WWOX: variants seen among roughly 807,000 people sequenced by gnomAD.
The protein encoded by WWOX is WW domain containing oxidoreductase.
A neutral mutation model predicts 46.2 loss-of-function variants in WWOX; 69 were observed. That is an observed-to-expected ratio of 1.49 (90% CI 1.23 to 1.82). The LOEUF (loss-of-function observed/expected upper bound fraction) is 1.82, where lower values mean the gene tolerates loss of function less well. Among genes scored for constraint, WWOX ranks in the 40% most tolerant of loss-of-function variants. The pLI is 0.00. For synonymous variants in WWOX, 359 were observed against 202.6 expected (o/e 1.77, Z -6.56); for missense variants, 919 against 542.6 (o/e 1.69, Z -6.89).
At chr16:79,055,783 G>A (rs931235093) in intron 8 of WWOX, among the ~76,000 whole-genome samples, 3 of 152,122 alleles carry the variant, frequency 2.0e-5, no homozygotes, top group Non-Finnish European at 4.4e-5. Context: ...AGTATATGTA[G>A]CAACCAAACA....
At chr16:78,367,271 A>C (rs984507512) in intron 5 of WWOX, among the ~76,000 whole-genome samples, 1 of 151,956 alleles carries the variant, frequency 6.6e-6, no homozygotes, top group African/African-American at 2.4e-5. Context: ...GAGCCACCGC[A>C]CCCAGCCGAA....
At chr16:78,866,056 T>C (rs1224411954) in intron 8 of WWOX, among the ~76,000 whole-genome samples, 4 of 152,214 alleles carry the variant, frequency 2.6e-5, no homozygotes, top group African/African-American at 7.2e-5. Flanking sequence ...ACTGCATTGC[T>C]CCAAGGTGCA....
chr16:79,101,320 T>C (rs1424540153), intron 8 of WWOX: 1 of 152,200 alleles, frequency 6.6e-6, no homozygotes, highest in East Asian at 1.9e-4. Context: ...ACAACTCTGC[T>C]GGTCTCTCTG....
chr16:78,966,439 C>G (rs546934810), intron 8 of WWOX, among the ~76,000 whole-genome samples: 14 of 152,164 alleles, frequency 9.2e-5, no homozygotes, highest in African/African-American at 3.4e-4. Flanking sequence ...AATACCCTTC[C>G]ACAATATTAT....
intron 8 of WWOX, among the ~76,000 whole-genome samples, chr16:78,492,870 C>T (rs1055604339): frequency 2.6e-5 from 4 of 152,128 alleles, no homozygotes; most frequent in African/African-American, 9.7e-5. Flanking sequence ...CTGGAGACGG[C>T]AAGTACCCAG....
chr16:78,777,315 C>T (rs1359095369), intron 8 of WWOX, among the ~76,000 whole-genome samples: 1 of 152,140 alleles, frequency 6.6e-6, no homozygotes, highest in African/African-American at 2.4e-5. Context: ...GGAGGACTTT[C>T]TGATGATGTT....
At chr16:78,493,980 T>C (rs772150535) in intron 8 of WWOX, among the ~76,000 whole-genome samples, 8 of 152,332 alleles carry the variant, frequency 5.3e-5, no homozygotes, top group Non-Finnish European at 1.0e-4. Context: ...TATAAAGACA[T>C]TCCTGAGACT....
At chr16:78,785,323 C>G (rs1042397452) in intron 8 of WWOX, among the ~76,000 whole-genome samples, 4 of 152,160 alleles carry the variant, frequency 2.6e-5, no homozygotes, top group African/African-American at 4.8e-5. Context: ...TTTGAGCACC[C>G]TGCTCTGAAT....
chr16:79,119,600 G>C (rs912919880), intron 8 of WWOX, among the ~76,000 whole-genome samples: 2 of 152,194 alleles, frequency 1.3e-5, no homozygotes, highest in African/African-American at 4.8e-5. Flanking sequence ...AGGCAACTAA[G>C]GCATGGATTC....
intron 8 of WWOX, among the ~76,000 whole-genome samples, chr16:78,959,750 G>T (rs1361807969): frequency 6.6e-6 from 1 of 152,158 alleles, no homozygotes; most frequent in Admixed American, 6.5e-5. Context: ...ATGACCAAAT[G>T]CCCATATTGA....
At chr16:78,439,972 C>G (rs539606917) in intron 8 of WWOX, among the ~76,000 whole-genome samples, 1 of 152,144 alleles carries the variant, frequency 6.6e-6, no homozygotes, top group African/African-American at 2.4e-5. Context: ...CAGAACTGTC[C>G]TCCTGAGTTG....
At chr16:78,806,821 A>G (rs994791640) in intron 8 of WWOX, among the ~76,000 whole-genome samples, 24 of 152,330 alleles carry the variant, frequency 1.6e-4, no homozygotes, top group African/African-American at 5.8e-4. Context: ...GGGACTGGAC[A>G]TACTGCCATG....
At chr16:79,046,877 C>T (rs748067682) in intron 8 of WWOX, among the ~76,000 whole-genome samples, 5 of 152,192 alleles carry the variant, frequency 3.3e-5, no homozygotes, top group Admixed American at 2.0e-4. Context: ...CTCTTCTTCT[C>T]GTACTTCCCA....
intron 5 of WWOX, among the ~76,000 whole-genome samples, chr16:78,334,810 A>C (rs74029900): frequency 0.043 from 5,723 of 133,454 alleles, 162 homozygotes; most frequent in Middle Eastern, 0.071. Flanking sequence ...ACACACACGC[A>C]CACACACACA....
chr16:78,972,989 C>T (rs111746044), intron 8 of WWOX, among the ~76,000 whole-genome samples: 2 of 152,230 alleles, frequency 1.3e-5, no homozygotes, highest in African/African-American at 4.8e-5. Flanking sequence ...TCATAAGATC[C>T]CTTCCTCCGA....
chr16:79,195,217 G>A (rs780559088), intron 8 of WWOX, among the ~76,000 whole-genome samples: 7 of 152,106 alleles, frequency 4.6e-5, no homozygotes, highest in Non-Finnish European at 7.3e-5. Context: ...AACTGAGATT[G>A]GCATGTAGGA....
At chr16:79,191,492 A>G (rs1326316027) in intron 8 of WWOX, among the ~76,000 whole-genome samples, 1 of 152,166 alleles carries the variant, frequency 6.6e-6, no homozygotes, top group African/African-American at 2.4e-5. Context: ...CAACTGCACA[A>G]AGAATGGGCT....
At chr16:78,229,195 A>G (rs1381687846) in intron 5 of WWOX, among the ~76,000 whole-genome samples, 2 of 151,906 alleles carry the variant, frequency 1.3e-5, no homozygotes, top group African/African-American at 4.8e-5. Flanking sequence ...GTTACGAATC[A>G]TAGTGTTCAT....
intron 8 of WWOX, among the ~76,000 whole-genome samples, chr16:78,969,755 C>T (rs1235044491): frequency 6.6e-6 from 1 of 152,138 alleles, no homozygotes; most frequent in Non-Finnish European, 1.5e-5. Flanking sequence ...ACAAAGGACC[C>T]TATGTTATAT....
Sources: allele counts gnomAD v4.1 joint callset (sites outside exome capture counted in the v4.1 genomes callset), GRCh38; gene constraint gnomAD v4.1.1; transcripts MANE v1.5; gene names NCBI Gene and HGNC (gene_info 2026-07-23, HGNC 2026-07-21).